TG: variants seen among roughly 807,000 people sequenced by gnomAD.
TG encodes thyroglobulin, also known as thyroid hormones.
TG carries 270 observed loss-of-function variants against 324.7 expected under a neutral mutation model. The ratio of observed to expected loss-of-function variants is 0.83; its 90% CI spans 0.75 to 0.92. The LOEUF is 0.92. Ranked by LOEUF, TG falls within the 40% of genes least tolerant of loss-of-function variation. The probability of loss-of-function intolerance (pLI) is 0.00; values close to 1 mark genes in which losing one functional copy is unlikely to be tolerated. For synonymous variants in TG, 1,401 were observed against 1,327.0 expected (o/e 1.06, Z -1.21); for missense variants, 3,591 against 3,456.4 (o/e 1.04, Z -0.98).
At chr8:133,044,788 T>A (rs181627072) in intron 41 of TG, among the ~76,000 whole-genome samples, 1 of 152,346 alleles carries the variant, frequency 6.6e-6, no homozygotes, top group East Asian at 1.9e-4. Context: ...TTAGCTGCAT[T>A]TGACTTATTA....
intron 20 of TG, among the ~76,000 whole-genome samples, chr8:132,918,119 G>A (rs755806017): frequency 6.6e-6 from 1 of 152,022 alleles, no homozygotes; most frequent in Non-Finnish European, 1.5e-5. Context: ...TGCTCTTTTG[G>A]GTGGAAAAGA....
chr8:133,017,440 T>C (rs931964342), intron 37 of TG, among the ~76,000 whole-genome samples: 2 of 152,078 alleles, frequency 1.3e-5, no homozygotes, highest in Non-Finnish European at 2.9e-5. Flanking sequence ...CCCAGGGGAT[T>C]GGGTGTTGTT....
rs764859855 is a variant in TG, at chr8:132,997,619, G to C, written c.6262+14207G>C. ...GTGATTCATCATTTCAAGGAAAATGGAGACTGGAAGTGTCCATTGAGTTAG... is the reference window on the plus strand; with the variant it reads ...GTGATTCATCATTTCAAGGAAAATGCAGACTGGAAGTGTCCATTGAGTTAG... On this transcript the variant is annotated intron_variant, in intron 35 of 47. Transcript: ENST00000220616. Among the ~76,000 whole-genome samples, 194 of 152,166 alleles carry C rather than the reference G, an allele frequency of 1.3e-3. 2 individuals are homozygous for C. Among genetic ancestry groups the C allele is most frequent in the Non-Finnish European group, 1.4e-3 (92 of 68,042 alleles).
chr8:132,944,338 G>A (rs1254050969), intron 26 of TG, among the ~76,000 whole-genome samples: 1 of 152,082 alleles, frequency 6.6e-6, no homozygotes, highest in Admixed American at 6.6e-5. Context: ...CCCACTACTT[G>A]ACTAGATTCC....
At chr8:133,058,184 A>G (rs940362781) in intron 41 of TG, among the ~76,000 whole-genome samples, 1 of 152,164 alleles carries the variant, frequency 6.6e-6, no homozygotes, top group African/African-American at 2.4e-5. Context: ...CCCTTACTCA[A>G]GTAGGTAGAA....
intron 47 of TG, among the ~76,000 whole-genome samples, chr8:133,133,965 T>C (rs1446288697): frequency 6.6e-6 from 1 of 152,074 alleles, no homozygotes; most frequent in African/African-American, 2.4e-5. Context: ...GCCTAGAACG[T>C]TGGTATGGGA....
chr8:133,067,185 A>T (rs1388501680), intron 41 of TG, among the ~76,000 whole-genome samples: 1 of 151,714 alleles, frequency 6.6e-6, no homozygotes, highest in Non-Finnish European at 1.5e-5. Flanking sequence ...TCACAGGTGC[A>T]CCTCTCTGAG....
intron 19 of TG, among the ~76,000 whole-genome samples, chr8:132,912,179 C>CTGCA (rs1819627701): frequency 6.6e-6 from 1 of 152,178 alleles, no homozygotes; most frequent in African/African-American, 2.4e-5. Context: ...AGGAAGGAGA[C>CTGCA]TGCATCTCTG....
At chr8:133,054,055 G>A (rs1182341275) in intron 41 of TG, among the ~76,000 whole-genome samples, 5 of 152,138 alleles carry the variant, frequency 3.3e-5, no homozygotes, top group African/African-American at 1.2e-4. Context: ...GCAAGGCCTG[G>A]TGCCAGGATC....
rs1245830644 is a variant in TG at position 132,869,748 on chromosome 8, G to A, written c.196G>A (p.Asp66Asn). The change falls in exon 3 of 48, where the codon GAC (aspartate) becomes AAC (asparagine). Residue 66 changes from aspartate (D) to asparagine (N), a missense_variant. Asp to Asn is a conservative substitution (Grantham distance 23). Transcript: ENST00000220616. Reference sequence around the variant, plus strand: ...CCTCAGGACTGTCCAGTGCCAGAACGACGGCCGCTCCTGCTGGTGTGTGGG... The same window carrying A: ...CCTCAGGACTGTCCAGTGCCAGAACAACGGCCGCTCCTGCTGGTGTGTGGG... ...GSFQTVQCQNDGRSCWCVGAN... is the reference protein window; with the variant it reads ...GSFQTVQCQNNGRSCWCVGAN... The A allele has an allele frequency of 3.1e-6, 5 of 1,614,074 alleles. No individual in the cohort carries two copies. Among genetic ancestry groups the A allele is most frequent in the East Asian group, 2.2e-5 (1 of 44,898 alleles).
Position 133,013,743 on chromosome 8 carries a change from A to C in TG, c.6541A>C (p.Thr2181Pro), listed in dbSNP as rs1587762640. Residue 2181 changes from threonine (T) to proline (P), a missense_variant, in exon 37 of 48, where the codon ACC (threonine) becomes CCC (proline). Coordinates refer to ENST00000220616, the MANE Select transcript of TG (RefSeq NM_003235.5). ...NCRLLLREEA[T>P]HIYRKPGISL... ...CCGACTTCTGCTTCGTGAAGAGGCC[A>C]CCCACATCTACCGGAAGCCAGGTAA... 1 of 1,611,572 alleles carries C rather than the reference A, an allele frequency of 6.2e-7. No homozygotes were observed. The highest frequency in any genetic ancestry group is 8.5e-7 in the Non-Finnish European group (1 of 1,179,936).
In TG at chr8:132,923,820, G is replaced by A. The variant is rs373869388; in HGVS notation, c.4699+312G>A. ...ATTTTTATATTAAAAGATCTGTGGA[G>A]GCCTCCATTCTTCTAGGCAGCTTGA... On this transcript the variant is annotated intron_variant, in intron 22 of 47. Transcript: ENST00000220616. 4.6e-5 allele frequency among the ~76,000 whole-genome samples: 7 copies of A among 152,002 alleles called. No homozygotes were observed. The East Asian group carries it at 1.2e-3, about 25-fold the overall frequency.
intron 41 of TG, among the ~76,000 whole-genome samples, chr8:133,083,693 A>G (rs1846077186): frequency 6.6e-6 from 1 of 152,134 alleles, no homozygotes; most frequent in South Asian, 2.1e-4. Flanking sequence ...TTTTTTCTGC[A>G]TCTCTTTAAA....
In TG at chr8:132,972,684, T is replaced by C; in HGVS notation, c.6142T>C (p.Cys2048Arg). Residue 2048 changes from cysteine (C) to arginine (R), a missense_variant, in exon 34 of 48, where the codon TGT (cysteine) becomes CGT (arginine). Cys to Arg is a radical substitution (Grantham distance 180). Transcript: ENST00000220616. ...ENGGAWRILDCGSPDIEVHTY... is the reference protein window; with the variant it reads ...ENGGAWRILDRGSPDIEVHTY... ...TGGAGGAGCCTGGCGCATTTTGGACTGTGGCTCTCCTGACATTGAAGTCCA... is the reference window on the plus strand; with the variant it reads ...TGGAGGAGCCTGGCGCATTTTGGACCGTGGCTCTCCTGACATTGAAGTCCA... 1.9e-6 allele frequency: 3 copies of C among 1,613,736 alleles called. No individual in the cohort carries two copies. The highest frequency in any genetic ancestry group is 2.5e-6 in the Non-Finnish European group (3 of 1,179,928).
rs16904774 is a variant in TG, at chr8:132,888,250, G to A, written c.2443G>A (p.Gly815Arg). 0.011 allele frequency: 17,478 copies of A among 1,614,128 alleles called. 571 individuals carry two copies. Among genetic ancestry groups the A allele is most frequent in the African/African-American group, 0.091 (6,849 of 75,026 alleles). ...CATGAGCTACAGAGAAGCAGCTTCC[G>A]GAAACTTCAGTCTCTTTATTCAAAG... is the stretch of plus-strand genomic sequence containing the variant. ...KIMSYREAASGNFSLFIQSLY... is the reference protein window; with the variant it reads ...KIMSYREAASRNFSLFIQSLY... Residue 815 changes from glycine (G) to arginine (R), a missense_variant, in exon 10 of 48, where the codon GGA (glycine) becomes AGA (arginine). Physicochemically the swap from Gly to Arg is moderately radical, Grantham distance 125. Coordinates refer to ENST00000220616, the MANE Select transcript of TG (RefSeq NM_003235.5).
intron 37 of TG, among the ~76,000 whole-genome samples, chr8:133,016,331 T>C (rs768625123): frequency 1.5e-4 from 23 of 152,192 alleles, no homozygotes; most frequent in Admixed American, 9.8e-4. Context: ...CTGCCTACTG[T>C]AGGATGTCTA....
chr8:132,867,774 C>A (rs575727582), intron 1 of TG, among the ~76,000 whole-genome samples: 1 of 118,156 alleles, frequency 8.5e-6, no homozygotes, highest in South Asian at 3.1e-4. Flanking sequence ...ATGGGAATTG[C>A]GGCAGGGTGG....
intron 35 of TG, among the ~76,000 whole-genome samples, chr8:132,992,130 C>T (rs1280536782): frequency 2.0e-5 from 3 of 152,104 alleles, no homozygotes; most frequent in Non-Finnish European, 4.4e-5. Flanking sequence ...ATTCAACAAG[C>T]ATTTGGTGGG....
intron 43 of TG, among the ~76,000 whole-genome samples, chr8:133,112,457 G>A (rs561568303): frequency 7.2e-5 from 11 of 152,126 alleles, no homozygotes; most frequent in Non-Finnish European, 1.6e-4. Flanking sequence ...GGGGAAGGCA[G>A]TGAATGGCCC....
Sources: allele counts gnomAD v4.1 joint callset (sites outside exome capture counted in the v4.1 genomes callset), GRCh38; gene constraint gnomAD v4.1.1; transcripts MANE v1.5; gene names NCBI Gene and HGNC (gene_info 2026-07-23, HGNC 2026-07-21).